MECOM: variants seen among roughly 807,000 people sequenced by gnomAD.
MECOM encodes the protein histone-lysine N-methyltransferase MECOM.
A neutral mutation model predicts 116.3 loss-of-function variants in MECOM; 13 were observed. The ratio of observed to expected loss-of-function variants is 0.11; its 90% CI spans 0.07 to 0.18. The LOEUF is 0.18. MECOM is among the 10% of genes least tolerant of loss of function. The probability of loss-of-function intolerance (pLI) is 1.00; values close to 1 mark genes in which losing one functional copy is unlikely to be tolerated. For missense variants in MECOM, 1,299 were observed against 1,509.0 expected (o/e 0.86, Z 2.31); for synonymous variants, 528 against 535.2 (o/e 0.99, Z 0.19).
intron 1 of MECOM, among the ~76,000 whole-genome samples, chr3:169,640,148 T>A (rs1773282699): frequency 6.6e-6 from 1 of 150,494 alleles, no homozygotes; most frequent in African/African-American, 2.4e-5. Context: ...AATATTAAGA[T>A]ATTTTATTAA....
intron 1 of MECOM, among the ~76,000 whole-genome samples, chr3:169,554,034 T>A (rs1259734481): frequency 6.6e-6 from 1 of 152,156 alleles, no homozygotes; most frequent in African/African-American, 2.4e-5. Flanking sequence ...TTTCCCAGCC[T>A]CCCTTGCATT....
At chr3:169,365,761 C>T (rs62293355) in intron 2 of MECOM, among the ~76,000 whole-genome samples, 6,512 of 151,960 alleles carry the variant, frequency 0.043, 163 homozygotes, top group Non-Finnish European at 0.059. Flanking sequence ...GGTCTCCCTG[C>T]CCTCTAAGCC....
chr3:169,255,728 T>C (rs1489218344), intron 2 of MECOM, among the ~76,000 whole-genome samples: 1 of 152,168 alleles, frequency 6.6e-6, no homozygotes, highest in African/African-American at 2.4e-5. Context: ...ACTTCTGTAT[T>C]GTGGCTTAAA....
chr3:169,468,741 A>G (rs1490483470), intron 1 of MECOM, among the ~76,000 whole-genome samples: 1 of 152,212 alleles, frequency 6.6e-6, no homozygotes, highest in Non-Finnish European at 1.5e-5. Flanking sequence ...AATTGTTGTA[A>G]CCATTTCTGA....
chr3:169,661,310 C>A (rs1399697272), intron 1 of MECOM, among the ~76,000 whole-genome samples: 1 of 142,798 alleles, frequency 7.0e-6, no homozygotes, highest in Non-Finnish European at 1.5e-5. Flanking sequence ...CCAACTCCCC[C>A]CCCCACACAC....
chr3:169,486,864 G>T (rs977717822), intron 1 of MECOM, among the ~76,000 whole-genome samples: 1 of 152,040 alleles, frequency 6.6e-6, no homozygotes, highest in Non-Finnish European at 1.5e-5. Flanking sequence ...ACTCTTTTAG[G>T]AGAGAAAGCA....
intron 2 of MECOM, among the ~76,000 whole-genome samples, chr3:169,262,079 C>A (rs556689300): frequency 6.6e-6 from 1 of 152,312 alleles, no homozygotes; most frequent in Non-Finnish European, 1.5e-5. Context: ...TTGGAATAAA[C>A]TAATGGACAC....
intron 1 of MECOM, among the ~76,000 whole-genome samples, chr3:169,411,701 G>A (rs1467032924): frequency 6.6e-6 from 1 of 152,212 alleles, no homozygotes; most frequent in African/African-American, 2.4e-5. Flanking sequence ...TTATGTTAAA[G>A]AATTTCTGAC....
chr3:169,654,381 G>C (rs377530120), intron 1 of MECOM, among the ~76,000 whole-genome samples: 1 of 152,128 alleles, frequency 6.6e-6, no homozygotes, highest in African/African-American at 2.4e-5. Context: ...CAAATAAGAC[G>C]TTCATCCCTT....
intron 1 of MECOM, among the ~76,000 whole-genome samples, chr3:169,477,751 C>T (rs1183170921): frequency 6.6e-6 from 1 of 152,144 alleles, no homozygotes; most frequent in East Asian, 1.9e-4. Flanking sequence ...GATAGCCAAT[C>T]TGTACTGTTT....
At chr3:169,231,765 C>T (rs183616089) in intron 2 of MECOM, among the ~76,000 whole-genome samples, 47 of 149,140 alleles carry the variant, frequency 3.2e-4, no homozygotes, top group Non-Finnish European at 5.6e-4. Context: ...ATACATGGTC[C>T]CATGACCAGA....
At chr3:169,431,579 AATTCCCTGATGG>A (rs1241649964) in intron 1 of MECOM, among the ~76,000 whole-genome samples, 1 of 152,204 alleles carries the variant, frequency 6.6e-6, no homozygotes, top group Non-Finnish European at 1.5e-5. Flanking sequence ...CCTACTTTGT[AATTCCCTGATGG>A]ATTCCCTGAT....
intron 2 of MECOM, among the ~76,000 whole-genome samples, chr3:169,294,172 G>T (rs974711256): frequency 6.6e-6 from 1 of 151,710 alleles, no homozygotes; most frequent in Non-Finnish European, 1.5e-5. Context: ...TTAAGTTGTT[G>T]TATTTCCATT....
At chr3:169,236,045 A>G (rs1754024984) in intron 2 of MECOM, among the ~76,000 whole-genome samples, 1 of 152,182 alleles carries the variant, frequency 6.6e-6, no homozygotes, top group Non-Finnish European at 1.5e-5. Flanking sequence ...AGCCAGCCAC[A>G]GCCTCCAGTC....
chr3:169,505,889 C>T (rs572775065), intron 1 of MECOM, among the ~76,000 whole-genome samples: 2 of 152,314 alleles, frequency 1.3e-5, no homozygotes, highest in East Asian at 3.9e-4. Flanking sequence ...GAAAGGCTCT[C>T]ACTGCCTCCT....
chr3:169,397,144 C>T (rs947319340), intron 1 of MECOM, among the ~76,000 whole-genome samples: 4 of 152,160 alleles, frequency 2.6e-5, no homozygotes, highest in African/African-American at 9.7e-5. Context: ...GGTTCATGAT[C>T]AATTCATTCT....
chr3:169,541,104 T>G (rs1760008037), intron 1 of MECOM, among the ~76,000 whole-genome samples: 1 of 152,250 alleles, frequency 6.6e-6, no homozygotes, highest in African/African-American at 2.4e-5. Flanking sequence ...AACTGTAATG[T>G]GCATTAGAAT....
rs1355254304 is a variant in MECOM, at chr3:169,611,102, G to A, written c.37+52234C>T. 6.6e-6 allele frequency among the ~76,000 whole-genome samples: 1 copy of A among 152,224 alleles called. No homozygotes were observed. The highest frequency in any genetic ancestry group is 1.5e-5 in the Non-Finnish European group (1 of 68,042). ...GAGCTGAAGTGGAGCTGATAAATCT[G>A]TTTTTGTTGATACTGCTGCTGCTGC... is the stretch of plus-strand genomic sequence containing the variant. On this transcript the variant is annotated intron_variant, in intron 1 of 16. Transcript: ENST00000651503. The surrounding 1 kb of genome is among the most constrained non-coding windows in gnomAD (Gnocchi z 4.1).
chr3:169,298,177 C>T (rs959239768), intron 2 of MECOM, among the ~76,000 whole-genome samples: 58 of 152,158 alleles, frequency 3.8e-4, no homozygotes, highest in East Asian at 3.7e-3. Flanking sequence ...CTTTTATTTA[C>T]GGAGTGGATT....
Sources: allele counts gnomAD v4.1 joint callset (sites outside exome capture counted in the v4.1 genomes callset), GRCh38; gene constraint gnomAD v4.1.1; non-coding constraint Gnocchi (gnomAD v3.1); transcripts MANE v1.5; gene names NCBI Gene and HGNC (gene_info 2026-07-23, HGNC 2026-07-21).